The following TEAD1 variants were observed in gnomAD, a reference collection of about 807,000 sequenced individuals.
The protein encoded by TEAD1 is transcriptional enhancer factor TEF-1.
Under a neutral mutation model 54.9 loss-of-function variants are expected in TEAD1, and 9 were observed. That is an observed-to-expected ratio of 0.16 (90% CI 0.10 to 0.29). The LOEUF is 0.29. Among genes scored for constraint, TEAD1 ranks in the 10% least tolerant of loss-of-function variants. The probability of loss-of-function intolerance (pLI) is 1.00; values close to 1 mark genes in which losing one functional copy is unlikely to be tolerated. For missense variants in TEAD1, 387 were observed against 535.9 expected (o/e 0.72, Z 2.74); for synonymous variants, 200 against 187.8 (o/e 1.07, Z -0.53).
intron 5 of TEAD1, among the ~76,000 whole-genome samples, chr11:12,877,318 C>T (rs919399688): frequency 7.2e-5 from 11 of 152,156 alleles, no homozygotes; most frequent in South Asian, 6.2e-4. Flanking sequence ...ACTTGAGGCT[C>T]CTTAGTTTTT....
At chr11:12,895,001 G>A (rs1302098068) in intron 9 of TEAD1, among the ~76,000 whole-genome samples, 2 of 152,112 alleles carry the variant, frequency 1.3e-5, no homozygotes, top group Non-Finnish European at 2.9e-5. Context: ...GAGAGAGAGG[G>A]CTATAATCAC....
chr11:12,896,997 G>A (rs1354363787), intron 9 of TEAD1, among the ~76,000 whole-genome samples: 2 of 152,128 alleles, frequency 1.3e-5, no homozygotes, highest in African/African-American at 4.8e-5. Flanking sequence ...GAGTGCCTAG[G>A]GGACTCTTTT....
At chr11:12,751,117 C>T (rs1944860421) in intron 2 of TEAD1, among the ~76,000 whole-genome samples, 1 of 151,872 alleles carries the variant, frequency 6.6e-6, no homozygotes, top group Non-Finnish European at 1.5e-5. Flanking sequence ...TTGAAATGAG[C>T]CTGGGCAACA....
chr11:12,759,058 G>A (rs1462747519), intron 2 of TEAD1, among the ~76,000 whole-genome samples: 1 of 150,116 alleles, frequency 6.7e-6, no homozygotes. Context: ...TTTTTTTTTT[G>A]GTGATCGTTG....
chr11:12,746,559 T>A (rs953869043), intron 2 of TEAD1, among the ~76,000 whole-genome samples: 2 of 152,238 alleles, frequency 1.3e-5, no homozygotes, highest in African/African-American at 4.8e-5. Flanking sequence ...GAAGCTGTAG[T>A]GGCGGTATTG....
intron 2 of TEAD1, among the ~76,000 whole-genome samples, chr11:12,677,889 G>T (rs1943130902): frequency 6.6e-6 from 1 of 152,184 alleles, no homozygotes; most frequent in Non-Finnish European, 1.5e-5. Context: ...CATGTGTTAT[G>T]TGTTAATTGT....
At position 12,678,636 on chromosome 11, in the gene TEAD1, T is replaced by C. The variant is rs1263733132; in HGVS notation, c.-55+3075T>C. Among the ~76,000 whole-genome samples, 3 of 152,342 alleles carry C rather than the reference T, an allele frequency of 2.0e-5. 1 individual carries two copies. In the South Asian group the frequency reaches 6.2e-4, roughly 32 times the overall value. On this transcript the variant is annotated intron_variant, in intron 2 of 12. Transcript: ENST00000527636. ...AGACCTTGTTGTATTGCAATTACTT[T>C]GTACCTCTGAAATCAGGGAAGTTCT...
At chr11:12,684,281 A>G (rs1228471697) in intron 2 of TEAD1, among the ~76,000 whole-genome samples, 1 of 152,234 alleles carries the variant, frequency 6.6e-6, no homozygotes, top group African/African-American at 2.4e-5. Context: ...CTTACCCAGT[A>G]TGAATTAAAT....
At chr11:12,896,899 T>A (rs1948323719) in intron 9 of TEAD1, among the ~76,000 whole-genome samples, 1 of 152,208 alleles carries the variant, frequency 6.6e-6, no homozygotes, top group Admixed American at 6.5e-5. Flanking sequence ...GTGTGCTGGT[T>A]CATTCTATTA....
chr11:12,892,983 G>A (rs1326901673), intron 9 of TEAD1, among the ~76,000 whole-genome samples: 3 of 152,178 alleles, frequency 2.0e-5, no homozygotes, highest in African/African-American at 7.2e-5. Context: ...TGTTTCATTT[G>A]ACCTTGTAGA....
intron 2 of TEAD1, among the ~76,000 whole-genome samples, chr11:12,750,096 A>G (rs1332857130): frequency 6.6e-6 from 1 of 152,100 alleles, no homozygotes; most frequent in Non-Finnish European, 1.5e-5. Flanking sequence ...ACATTTGTGA[A>G]CCGGCAGTGT....
intron 1 of TEAD1, 129 bp from the exon 2 acceptor site, chr11:12,675,279 GC>G (rs1471077865): frequency 2.6e-5 from 4 of 152,042 alleles, no homozygotes; most frequent in Non-Finnish European, 5.9e-5. Flanking sequence ...CCCTGCTTTC[GC>G]CGCCGCCCCC....
At chr11:12,832,504 C>G (rs1039044585) in intron 3 of TEAD1, among the ~76,000 whole-genome samples, 4 of 152,226 alleles carry the variant, frequency 2.6e-5, no homozygotes, top group African/African-American at 9.6e-5. Flanking sequence ...TTTAAGGTTT[C>G]CTTCTGCTTC....
At position 12,882,905 on chromosome 11, in the gene TEAD1, TC is replaced by T. The variant is rs1054416022; in HGVS notation, c.575-94del. 8.8e-6 allele frequency: 14 copies of T among 1,597,522 alleles called. No individual in the cohort carries two copies. In the African/African-American group the frequency reaches 1.3e-4, roughly 15 times the overall value. On this transcript the variant is annotated intron_variant, in intron 8 of 12. Coordinates refer to ENST00000527636, the MANE Select transcript of TEAD1 (RefSeq NM_021961.6). ...CGGTGGAGAGGGGGCTGTTGGCATTTCCTTCTGGGTCATCTGTAGAGCCCTG... is the reference window on the plus strand; with the variant it reads ...CGGTGGAGAGGGGGCTGTTGGCATTTCTTCTGGGTCATCTGTAGAGCCCTG...
chr11:12,843,100 C>CT (rs1355550163), intron 3 of TEAD1, among the ~76,000 whole-genome samples: 1 of 152,050 alleles, frequency 6.6e-6, no homozygotes, highest in Admixed American at 6.5e-5. Flanking sequence ...GTTTTAAGTC[C>CT]TTTAAGTCAT....
At chr11:12,763,233 A>T (rs1439548369) in intron 2 of TEAD1, among the ~76,000 whole-genome samples, 1 of 152,096 alleles carries the variant, frequency 6.6e-6, no homozygotes, top group East Asian at 1.9e-4. Flanking sequence ...TCTTTCAGAG[A>T]TTTTTTTTGG....
At chr11:12,751,285 C>CAAAAAAA (rs67548037) in intron 2 of TEAD1, among the ~76,000 whole-genome samples, 1 of 112,622 alleles carries the variant, frequency 8.9e-6, no homozygotes. Context: ...CAACCTGACT[C>CAAAAAAA]AAAAAAAAAA....
chr11:12,891,402 C>A (rs4757964), intron 9 of TEAD1, among the ~76,000 whole-genome samples: 65,018 of 152,094 alleles, frequency 0.43, 14,296 homozygotes, highest in East Asian at 0.76. Flanking sequence ...TGATGAGGAC[C>A]AAACCAGGGC....
chr11:12,737,236 A>G (rs1340240153), intron 2 of TEAD1, among the ~76,000 whole-genome samples: 1 of 152,100 alleles, frequency 6.6e-6, no homozygotes, highest in African/African-American at 2.4e-5. Context: ...AAAACTTCTC[A>G]GAGTCAGACT....
Sources: allele counts gnomAD v4.1 joint callset (sites outside exome capture counted in the v4.1 genomes callset), GRCh38; gene constraint gnomAD v4.1.1; transcripts MANE v1.5; gene names NCBI Gene and HGNC (gene_info 2026-07-23, HGNC 2026-07-21).